Variants in SOS1 observed in about 807,000 individuals in gnomAD.
SOS1 encodes the protein son of sevenless homolog 1.
Under a neutral mutation model 157.6 loss-of-function variants are expected in SOS1, and 25 were observed. That is an observed-to-expected ratio of 0.16 (90% confidence interval 0.12 to 0.22). SOS1 has a LOEUF of 0.22. Among genes scored for constraint, SOS1 ranks in the 10% least tolerant of loss-of-function variants. The pLI is 1.00. For synonymous variants in SOS1, 528 were observed against 534.0 expected, an observed-to-expected ratio of 0.99 and a Z score of 0.16; for missense variants, 1,237 against 1,599.1, an observed-to-expected ratio of 0.77 and a Z score of 3.86.
At chr2:39,106,381 G>A (rs1258928828) in intron 1 of SOS1, among the ~76,000 whole-genome samples, 5 of 151,896 alleles carry the variant, frequency 3.3e-5, no homozygotes, top group Non-Finnish European at 7.4e-5. Flanking sequence ...ACGAGGTCAG[G>A]AGATCGAGAC....
chr2:39,117,816 C>A (rs975478729), intron 1 of SOS1, among the ~76,000 whole-genome samples: 11 of 152,168 alleles, frequency 7.2e-5, no homozygotes, highest in African/African-American at 2.2e-4. Flanking sequence ...ACAGGCTCTA[C>A]CTGAGTGTGC....
chr2:39,071,003 C>T (rs1203651689), intron 1 of SOS1, among the ~76,000 whole-genome samples: 2 of 152,170 alleles, frequency 1.3e-5, no homozygotes, highest in Non-Finnish European at 2.9e-5. Context: ...GCTGGGATTA[C>T]AGGTGCCTGC....
chr2:39,075,708 G>T (rs1235214756), intron 1 of SOS1, among the ~76,000 whole-genome samples: 1 of 151,272 alleles, frequency 6.6e-6, no homozygotes, highest in Non-Finnish European at 1.5e-5. Context: ...AGTACTAATA[G>T]AAAAATTGCT....
intron 1 of SOS1, among the ~76,000 whole-genome samples, chr2:39,072,918 C>A (rs560005938): frequency 6.6e-6 from 1 of 152,236 alleles, no homozygotes; most frequent in African/African-American, 2.4e-5. Context: ...AGGCAATGGT[C>A]CATACTTAAA....
intron 1 of SOS1, among the ~76,000 whole-genome samples, chr2:39,104,205 C>A (rs1170536814): frequency 6.6e-6 from 1 of 152,050 alleles, no homozygotes; most frequent in Non-Finnish European, 1.5e-5. Context: ...TTGCTTGAAC[C>A]CAGGAGGCAG....
chr2:39,067,553 C>G, intron 2 of SOS1, 75 bp downstream of exon 2: 2 of 1,354,706 alleles, frequency 1.5e-6, no homozygotes, highest in Admixed American at 1.7e-5. Context: ...AGAGCAAATT[C>G]TTTCCCTGTT....
At position 39,070,159 on chromosome 2, in the gene SOS1, T is replaced by TA. The variant is rs201878267; in HGVS notation, c.88-2407dup. Among the ~76,000 whole-genome samples the TA allele has an allele frequency of 6.6e-3, 1,003 of 151,956 alleles. 10 individuals carry two copies. Among genetic ancestry groups the TA allele is most frequent in the African/African-American group, 0.023 (960 of 41,462 alleles). On this transcript the variant is annotated intron_variant, in intron 1 of 22. Transcript: ENST00000402219. Reference sequence around the variant, plus strand: ...CCTCTTCAATACTTAGCATGACCTTTAAAAAAAACAAAACTGGAACTTGCA... The same window carrying TA: ...CCTCTTCAATACTTAGCATGACCTTTAAAAAAAAACAAAACTGGAACTTGCA...
At position 38,983,686 on chromosome 2, in the gene SOS1, C is replaced by T. The variant is rs184227916; in HGVS notation, c.*2138G>A. On this transcript the variant is annotated 3_prime_UTR_variant, in exon 23 of 23. Coordinates refer to ENST00000402219, the MANE Select transcript of SOS1 (RefSeq NM_005633.4). Reference sequence around the variant, plus strand: ...TGGGGCAATTAAAAAGAGAAGTAATCCATGAGACATAAAAAGAGAAATCTT... The same window carrying T: ...TGGGGCAATTAAAAAGAGAAGTAATTCATGAGACATAAAAAGAGAAATCTT... 6.6e-6 allele frequency: 1 copy of T among 152,120 alleles called. No individual in the cohort carries two copies. Among genetic ancestry groups the T allele is most frequent in the African/African-American group, 2.4e-5 (1 of 41,416 alleles). The allele number at this position is 152,120 out of a possible 1,614,324, so 9.4% of individuals were successfully genotyped here.
chr2:39,038,595 A>T (rs1670439044), intron 6 of SOS1, among the ~76,000 whole-genome samples: 1 of 151,410 alleles, frequency 6.6e-6, no homozygotes, highest in Non-Finnish European at 1.5e-5. Context: ...TTAGCTGGGC[A>T]TGGTGGCACA....
intron 1 of SOS1, among the ~76,000 whole-genome samples, chr2:39,088,234 C>CT (rs1156309840): frequency 1.6e-5 from 2 of 121,894 alleles, no homozygotes; most frequent in Non-Finnish European, 3.3e-5. Context: ...AAGCTTTTTT[C>CT]TTTTTTTTTA....
rs397517167 is a variant in SOS1, at chr2:39,058,659, T to TAG, written c.345+12_345+13dup. 901 of 1,611,884 alleles carry TAG rather than the reference T, an allele frequency of 5.6e-4. 2 individuals are homozygous for TAG. The highest frequency in any genetic ancestry group is 7.1e-4 in the Non-Finnish European group (841 of 1,178,420). ...TTTCCCTTAAAAGGCAAGAAGGCAG[T>TAG]AGTTCAGCATTACCTTTAATAAAGG... On this transcript the variant is annotated intron_variant, in intron 3 of 22. Transcript: ENST00000402219.
chr2:39,063,546 C>T (rs181498705), intron 2 of SOS1, among the ~76,000 whole-genome samples: 15 of 152,260 alleles, frequency 9.9e-5, no homozygotes, highest in Non-Finnish European at 1.8e-4. Flanking sequence ...TGATTATTGG[C>T]TACATCAATA....
chr2:39,092,700 A>G (rs1395830451), intron 1 of SOS1, among the ~76,000 whole-genome samples: 1 of 152,336 alleles, frequency 6.6e-6, no homozygotes, highest in South Asian at 2.1e-4. Context: ...TTAAAAACCA[A>G]AACACACTAA....
Position 39,023,037 on chromosome 2 carries a change from A to G in SOS1, c.1391T>C (p.Phe464Ser). The G allele has an allele frequency of 1.2e-6, 2 of 1,613,784 alleles. No homozygotes were observed. Among genetic ancestry groups the G allele is most frequent in the Non-Finnish European group, 1.7e-6 (2 of 1,179,784 alleles). Residue 464 changes from phenylalanine to serine, a missense_variant, in exon 10 of 23, where the codon TTT becomes TCT. Transcript: ENST00000402219. ...GAKHERHIFL[F>S]DGLMICCKSN... ...TTTACAGCAAATCATTAAGCCATCAAAGAGAAATATGTGTCTCTCATGTTT... is the reference window on the plus strand; with the variant it reads ...TTTACAGCAAATCATTAAGCCATCAGAGAGAAATATGTGTCTCTCATGTTT...
At chr2:39,114,598 G>C (rs954944668) in intron 1 of SOS1, among the ~76,000 whole-genome samples, 1 of 151,846 alleles carries the variant, frequency 6.6e-6, no homozygotes, top group Non-Finnish European at 1.5e-5. Context: ...CACCTGGCCC[G>C]GCTGATTTGT....
intron 1 of SOS1, among the ~76,000 whole-genome samples, chr2:39,082,273 T>C (rs1672229881): frequency 6.6e-6 from 1 of 152,154 alleles, no homozygotes; most frequent in Admixed American, 6.5e-5. Context: ...CATAAGAGTT[T>C]TTTGGTGGAT....
chr2:39,064,839 C>T (rs565812768), intron 2 of SOS1, among the ~76,000 whole-genome samples: 1 of 132,430 alleles, frequency 7.6e-6, no homozygotes, highest in East Asian at 2.3e-4. Context: ...ACTTCTGCCT[C>T]CCGGGTTCAA....
chr2:39,107,055 C>A (rs1288254261), intron 1 of SOS1, among the ~76,000 whole-genome samples: 2 of 151,888 alleles, frequency 1.3e-5, no homozygotes, highest in Admixed American at 6.6e-5. Context: ...TAATTTCTGA[C>A]TTTTAAGAAT....
At chr2:39,010,430 G>C (rs1192299797) in intron 15 of SOS1, among the ~76,000 whole-genome samples, 154 bp downstream of exon 15, 1 of 151,884 alleles carries the variant, frequency 6.6e-6, no homozygotes, top group Admixed American at 6.6e-5. Flanking sequence ...GCTTGAGCCT[G>C]GGAGGTGGAG....
Sources: gnomAD v4.1 joint callset for allele counts (sites outside exome capture counted in the v4.1 genomes callset) on GRCh38, gnomAD v4.1.1 for gene constraint, MANE v1.5 for transcripts, NCBI Gene and HGNC (gene_info 2026-07-23, HGNC 2026-07-21) for gene names.